The following GTF3C2 variants were observed in gnomAD, a reference collection of about 807,000 sequenced individuals.
The protein encoded by GTF3C2 is general transcription factor IIIC subunit 2.
In GTF3C2, 17 loss-of-function variants were observed where a neutral mutation model predicts 117.4. The ratio of observed to expected loss-of-function variants is 0.14; its 90% CI spans 0.10 to 0.22. The LOEUF (loss-of-function observed/expected upper bound fraction) is 0.22. Ranked by LOEUF, GTF3C2 falls within the 10% of genes least tolerant of loss-of-function variation. The pLI, the probability that GTF3C2 is intolerant of heterozygous loss-of-function variation, is 1.00. For missense variants in GTF3C2, 888 were observed against 1,143.6 expected (o/e 0.78, Z 3.22); for synonymous variants, 437 against 427.0 (o/e 1.02, Z -0.29).
rs776343677 is a variant in GTF3C2 at position 27,342,240 on chromosome 2, G to C, written c.570-7C>G. On this transcript the variant is annotated splice_region_variant and splice_polypyrimidine_tract_variant and intron_variant, in intron 3 of 18. Transcript: ENST00000264720. ...CTGAAGATACAGAAGTGCCCTGTGGGAACGGACAGAGTCAGAGCCATTCTC... is the reference window on the plus strand; with the variant it reads ...CTGAAGATACAGAAGTGCCCTGTGGCAACGGACAGAGTCAGAGCCATTCTC... The C allele has an allele frequency of 3.1e-6, 5 of 1,601,812 alleles. No individual in the cohort carries two copies. The East Asian group carries it at 1.1e-4, about 36-fold the overall frequency.
chr2:27,341,990 C>T (rs1288329924), exon 4 of GTF3C2: 13 of 1,614,030 alleles, frequency 8.1e-6, no homozygotes, highest in Admixed American at 5.0e-5. Flanking sequence ...GCACTACAGG[C>T]TCAGGTTCAG....
intron 12 of GTF3C2, 46 bp downstream of exon 12, chr2:27,333,609 A>C: frequency 7.2e-7 from 1 of 1,389,462 alleles, no homozygotes; most frequent in Non-Finnish European, 1.0e-6. Flanking sequence ...ATATATAAAA[A>C]ATTTAAAGAG....
exon 3 of GTF3C2, chr2:27,342,914 C>T: frequency 3.1e-6 from 5 of 1,614,188 alleles, no homozygotes; most frequent in Non-Finnish European, 4.2e-6. Flanking sequence ...TCTGGCCGAT[C>T]TAGGTCTTTT....
chr2:27,339,086 G>A (rs552405446), intron 4 of GTF3C2, among the ~76,000 whole-genome samples: 4 of 152,152 alleles, frequency 2.6e-5, no homozygotes, highest in Non-Finnish European at 4.4e-5. Flanking sequence ...AGAGCATGAG[G>A]CAAATGGAAA....
Position 27,329,580 on chromosome 2 carries a change from A to C in GTF3C2, c.1733-57T>G. 6.4e-7 allele frequency: 1 copy of C among 1,561,792 alleles called. No individual in the cohort carries two copies. The highest frequency in any genetic ancestry group is 2.2e-5 in the East Asian group (1 of 44,600). On this transcript the variant is annotated intron_variant, in intron 12 of 18. Transcript: ENST00000264720. The surrounding 1 kb of genome is among the most constrained non-coding windows in gnomAD (Gnocchi z 4.5). ...AAGCAAGTTCTCTCTTCCTTGCTCT[A>C]ATTTCTTTCTCTGGGCTCCTAGGAC...
intron 4 of GTF3C2, among the ~76,000 whole-genome samples, chr2:27,338,928 G>A (rs559101861): frequency 2.0e-5 from 3 of 152,238 alleles, no homozygotes; most frequent in South Asian, 2.1e-4. Flanking sequence ...TCAGCCTCCT[G>A]AGTAGCTTGA....
At chr2:27,349,145 T>A (rs1181409463) in intron 1 of GTF3C2, among the ~76,000 whole-genome samples, 16 of 38,784 alleles carry the variant, frequency 4.1e-4, no homozygotes, top group African/African-American at 2.7e-3. Context: ...CCTGATTTGA[T>A]TTTTTTTTTT....
chr2:27,345,202 C>T (rs1416726279), intron 1 of GTF3C2, among the ~76,000 whole-genome samples: 1 of 151,978 alleles, frequency 6.6e-6, no homozygotes, highest in Non-Finnish European at 1.5e-5. Flanking sequence ...CCCAGGAGGT[C>T]GAGGCTGCAG....
chr2:27,335,307 C>T, intron 10 of GTF3C2: 1 of 559,680 alleles, frequency 1.8e-6, no homozygotes, highest in East Asian at 4.5e-5. Flanking sequence ...CCCTCAGCAG[C>T]TCTTTACACA....
chr2:27,332,459 G>C (rs1046233890), intron 12 of GTF3C2, among the ~76,000 whole-genome samples: 4 of 151,492 alleles, frequency 2.6e-5, no homozygotes, highest in East Asian at 1.9e-4. Context: ...CTGTCCTCCA[G>C]GCTAGAGTAC....
chr2:27,331,172 T>G (rs1680260633), intron 12 of GTF3C2, among the ~76,000 whole-genome samples: 1 of 152,094 alleles, frequency 6.6e-6, no homozygotes, highest in Non-Finnish European at 1.5e-5. Flanking sequence ...GTTTAGGAAT[T>G]AAGAAAGCAG....
chr2:27,326,810 A>G, exon 19 of GTF3C2: 1 of 1,613,982 alleles, frequency 6.2e-7, no homozygotes, highest in Non-Finnish European at 8.5e-7. Flanking sequence ...AGGCGAGTCC[A>G]CGGACAAAAT....
chr2:27,355,324 C>A (rs748990629), intron 1 of GTF3C2, among the ~76,000 whole-genome samples: 1 of 152,086 alleles, frequency 6.6e-6, no homozygotes, highest in Non-Finnish European at 1.5e-5. Context: ...AGTTCGAGAC[C>A]AGCCTGACCA....
At chr2:27,350,347 G>T in intron 1 of GTF3C2, 7 of 900,922 alleles carry the variant, frequency 7.8e-6, no homozygotes, top group Non-Finnish European at 9.3e-6. Context: ...CCAGCACCTT[G>T]TGTTTTAACA....
chr2:27,326,223 A>G, exon 19 of GTF3C2: 1 of 472,956 alleles, frequency 2.1e-6, no homozygotes, highest in Non-Finnish European at 4.4e-6. Context: ...GTTACCCTAA[A>G]GAGGAAGTTT....
rs1182417709 is a variant in GTF3C2 at position 27,329,352 on chromosome 2, C to G, written c.1877+27G>C. 1 of 1,613,930 alleles carries G rather than the reference C, an allele frequency of 6.2e-7. No homozygotes were observed. ...TCAGCCTGTCCCAGTCTTCACCTTC[C>G]CCCTCCACATACCTCCTATTCCATA... On this transcript the variant is annotated intron_variant, in intron 13 of 18. Coordinates refer to ENST00000264720, the Ensembl canonical transcript of GTF3C2. This position sits in a 1 kb window ranked among gnomAD's most constrained non-coding sequence, Gnocchi z 4.5.
At chr2:27,352,627 T>C (rs997917354) in intron 1 of GTF3C2, among the ~76,000 whole-genome samples, 1 of 152,154 alleles carries the variant, frequency 6.6e-6, no homozygotes, top group Non-Finnish European at 1.5e-5. Flanking sequence ...TCCACTAATA[T>C]TCTCCTCCTC....
intron 11 of GTF3C2, 81 bp downstream of exon 11, chr2:27,333,893 T>C: frequency 6.9e-7 from 1 of 1,457,882 alleles, no homozygotes; most frequent in Non-Finnish European, 9.6e-7. Flanking sequence ...TTCAGAAGTA[T>C]AAGGAGACTC....
intron 1 of GTF3C2, among the ~76,000 whole-genome samples, chr2:27,346,354 TTTTTTTTTTTTTTTTG>T (rs1376900552): frequency 5.9e-5 from 3 of 51,122 alleles, no homozygotes; most frequent in Admixed American, 2.5e-4. Flanking sequence ...TTTTTTTTTT[TTTTTTTTTTTTTTTTG>T]AGACAGAGTC....
Sources: gnomAD v4.1 joint callset for allele counts (sites outside exome capture counted in the v4.1 genomes callset) on GRCh38, gnomAD v4.1.1 for gene constraint, Gnocchi (gnomAD v3.1) non-coding constraint, MANE v1.5 for transcripts, NCBI Gene and HGNC (gene_info 2026-07-23, HGNC 2026-07-21) for gene names.